The following SLC44A1 variants were observed in gnomAD, a reference collection of about 807,000 sequenced individuals.
SLC44A1 encodes the protein choline transporter-like protein 1.
Under a neutral mutation model 79.3 loss-of-function variants are expected in SLC44A1, and 26 were observed. The ratio of observed to expected loss-of-function variants is 0.33; its 90% confidence interval spans 0.24 to 0.46. SLC44A1 has a LOEUF of 0.46. Among genes scored for constraint, SLC44A1 ranks in the 20% least tolerant of loss-of-function variants. The pLI, the probability that SLC44A1 is intolerant of heterozygous loss-of-function variation, is 1.00. For missense variants in SLC44A1, 688 were observed against 798.1 expected (o/e 0.86, Z 1.66); for synonymous variants, 263 against 286.2 (o/e 0.92, Z 0.82).
rs564698436 is a variant in SLC44A1 at position 105,379,919 on chromosome 9, G to A, written c.1633-3204G>A. Among the ~76,000 whole-genome samples the A allele has an allele frequency of 5.3e-5, 8 of 152,076 alleles. No homozygotes were observed. In the South Asian group the frequency reaches 1.7e-3, roughly 32 times the overall value. On this transcript the variant is annotated intron_variant, in intron 13 of 15. Coordinates refer to ENST00000374720, the MANE Select transcript of SLC44A1 (RefSeq NM_080546.5). ...CTAGTTGACAATTTATTTGACTTGG[G>A]TTAATAAAAATTGAGAATATGAATT...
At chr9:105,374,866 C>T in intron 13 of SLC44A1, 131 bp downstream of exon 13, 1 of 655,468 alleles carries the variant, frequency 1.5e-6, no homozygotes, top group Non-Finnish European at 2.6e-6. Context: ...AAAGCCCTTA[C>T]TGTGTGTCCA....
chr9:105,322,161 T>C (rs1457911222), intron 3 of SLC44A1, among the ~76,000 whole-genome samples: 2 of 152,218 alleles, frequency 1.3e-5, no homozygotes, highest in Non-Finnish European at 2.9e-5. Flanking sequence ...TAAGTGTAGT[T>C]ACTGACATAA....
In SLC44A1 at chr9:105,348,465, C is replaced by T; in HGVS notation, c.500+14C>T. ...AGTTCCAGCGAGGTAAATTTTATTG[C>T]AAAGTTGTTAACTTGTGACTGTTGT... On this transcript the variant is annotated intron_variant, in intron 5 of 15. Coordinates refer to ENST00000374720, the MANE Select transcript of SLC44A1 (RefSeq NM_080546.5). The T allele has an allele frequency of 6.8e-7, 1 of 1,479,168 alleles. No homozygotes were observed. Among genetic ancestry groups the T allele is most frequent in the Non-Finnish European group, 9.5e-7 (1 of 1,057,586 alleles). The allele number at this position is 1,479,168 out of a possible 1,614,324, so 91.6% of individuals were successfully genotyped here.
In SLC44A1 at chr9:105,390,430, CAAAAA is replaced by C. The variant is rs34048538; in HGVS notation, c.*1391_*1395del. 4,447 of 823,262 alleles carry C rather than the reference CAAAAA, an allele frequency of 5.4e-3. 1 individual carries two copies. Among genetic ancestry groups the C allele is most frequent in the South Asian group, 0.03 (510 of 16,808 alleles). The allele number at this position is 823,262 out of a possible 1,614,324, so 51.0% of individuals were successfully genotyped here. ...TATTGCACTAAATACAGGCTCTGTA[CAAAAA>C]AAAAAAAAAAAAAAAAGCCTCAGCA... On this transcript the variant is annotated 3_prime_UTR_variant, in exon 16 of 16. Coordinates refer to ENST00000374720, the MANE Select transcript of SLC44A1 (RefSeq NM_080546.5).
At chr9:105,410,236 T>C (rs1427574573) in intron 15 of SLC44A1, among the ~76,000 whole-genome samples, 2 of 152,082 alleles carry the variant, frequency 1.3e-5, no homozygotes, top group East Asian at 3.9e-4. Context: ...TAAATTGGAC[T>C]TCATCAAAAT....
At chr9:105,265,340 T>C (rs1829936891) in intron 1 of SLC44A1, among the ~76,000 whole-genome samples, 1 of 152,210 alleles carries the variant, frequency 6.6e-6, no homozygotes, top group African/African-American at 2.4e-5. Context: ...CACTGATCTA[T>C]TCCTGTAGTT....
At chr9:105,264,954 G>A (rs1256408157) in intron 1 of SLC44A1, among the ~76,000 whole-genome samples, 3 of 151,942 alleles carry the variant, frequency 2.0e-5, no homozygotes, top group East Asian at 1.9e-4. Flanking sequence ...GCGCCACCAC[G>A]CCTGGCTAAT....
At chr9:105,348,658 CTGACA>C (rs1296301070) in intron 5 of SLC44A1, among the ~76,000 whole-genome samples, 2 of 151,970 alleles carry the variant, frequency 1.3e-5, no homozygotes, top group African/African-American at 4.8e-5. Context: ...TTTTCTTGTT[CTGACA>C]TATTTTAAAT....
At chr9:105,320,935 T>G (rs556068348) in intron 3 of SLC44A1, among the ~76,000 whole-genome samples, 1 of 152,374 alleles carries the variant, frequency 6.6e-6, no homozygotes, top group South Asian at 2.1e-4. Context: ...CTGGTTAGTC[T>G]TAATGAGTTA....
At chr9:105,347,210 T>C (rs1827269133) in intron 4 of SLC44A1, among the ~76,000 whole-genome samples, 1 of 152,102 alleles carries the variant, frequency 6.6e-6, no homozygotes, top group Admixed American at 6.6e-5. Flanking sequence ...GCTGTTCACA[T>C]TATATTTTAA....
At chr9:105,380,232 T>G (rs943742376) in intron 13 of SLC44A1, among the ~76,000 whole-genome samples, 1 of 152,242 alleles carries the variant, frequency 6.6e-6, no homozygotes, top group Non-Finnish European at 1.5e-5. Context: ...AATTCAAATC[T>G]ACATCTTTCT....
intron 13 of SLC44A1, among the ~76,000 whole-genome samples, chr9:105,379,650 A>G (rs1461060441): frequency 6.6e-6 from 1 of 152,206 alleles, no homozygotes; most frequent in African/African-American, 2.4e-5. Context: ...TTTTTATGGA[A>G]TGTGAATTAG....
chr9:105,252,502 CTT>C (rs934627261), intron 1 of SLC44A1, among the ~76,000 whole-genome samples: 26 of 152,258 alleles, frequency 1.7e-4, no homozygotes, highest in African/African-American at 5.3e-4. Context: ...TCAGGGCTCT[CTT>C]AAGCAGCTTG....
At chr9:105,283,352 A>G (rs144439521) in intron 1 of SLC44A1, among the ~76,000 whole-genome samples, 16 of 152,266 alleles carry the variant, frequency 1.1e-4, no homozygotes, top group Non-Finnish European at 2.4e-4. Flanking sequence ...GTAGAATTTG[A>G]ATGGGAAGTA....
intron 1 of SLC44A1, among the ~76,000 whole-genome samples, chr9:105,271,949 G>A (rs1830089282): frequency 6.6e-6 from 1 of 152,186 alleles, no homozygotes; most frequent in Non-Finnish European, 1.5e-5. Context: ...TAGGGTTATG[G>A]AAGTCTGTAC....
chr9:105,410,065 A>G (rs1372471890), intron 15 of SLC44A1, among the ~76,000 whole-genome samples: 1 of 152,230 alleles, frequency 6.6e-6, no homozygotes, highest in Non-Finnish European at 1.5e-5. Flanking sequence ...TCAAAATGTT[A>G]TGAAAATAAC....
At chr9:105,400,926 C>T (rs192863925), downstream of SLC44A1, among the ~76,000 whole-genome samples, 1 of 152,166 alleles carries the variant, frequency 6.6e-6, no homozygotes, top group African/African-American at 2.4e-5. Context: ...TTAAATAATC[C>T]TGGCAGTAGT....
At chr9:105,342,811 C>T (rs1024222574) in intron 4 of SLC44A1, among the ~76,000 whole-genome samples, 50 of 152,044 alleles carry the variant, frequency 3.3e-4, no homozygotes, top group African/African-American at 1.2e-3. Flanking sequence ...TTGATTTTTG[C>T]ACTTGCTATC....
chr9:105,370,245 A>G (rs960941940), intron 12 of SLC44A1, among the ~76,000 whole-genome samples: 13 of 152,228 alleles, frequency 8.5e-5, no homozygotes, highest in African/African-American at 3.1e-4. Context: ...AAAGGAGGGA[A>G]TTTTCATTTG....
Sources: allele counts gnomAD v4.1 joint callset (sites outside exome capture counted in the v4.1 genomes callset), GRCh38; gene constraint gnomAD v4.1.1; transcripts MANE v1.5; gene names NCBI Gene and HGNC (gene_info 2026-07-23, HGNC 2026-07-21).